Variants in TEX9 observed in about 807,000 individuals in gnomAD.
TEX9 encodes testis-expressed protein 9.
TEX9 carries 74 observed loss-of-function variants against 59.6 expected under a neutral mutation model. That is an observed-to-expected ratio of 1.24 (90% confidence interval 1.03 to 1.51). The LOEUF is 1.51. Among genes scored for constraint, TEX9 ranks in the 40% most tolerant of loss-of-function variants. TEX9 has a pLI of 0.00. For synonymous variants in TEX9, 186 were observed against 152.2 expected (o/e 1.22, Z -1.64); for missense variants, 522 against 447.8 (o/e 1.17, Z -1.49).
intron 10 of TEX9, among the ~76,000 whole-genome samples, chr15:56,427,242 T>C (rs2050335058): frequency 6.6e-6 from 1 of 151,836 alleles, no homozygotes; most frequent in African/African-American, 2.4e-5. Flanking sequence ...TTTCTACTTA[T>C]TATTGATTAC....
intron 10 of TEX9, among the ~76,000 whole-genome samples, chr15:56,415,547 G>A (rs374928236): frequency 4.6e-5 from 7 of 151,774 alleles, no homozygotes; most frequent in African/African-American, 1.7e-4. Context: ...TAGATGTGCG[G>A]CCTTATTTAT....
At chr15:56,285,386 C>A (rs1268309974) in intron 1 of TEX9, among the ~76,000 whole-genome samples, 1 of 152,144 alleles carries the variant, frequency 6.6e-6, no homozygotes, top group African/African-American at 2.4e-5. Context: ...TTCACTTAAT[C>A]ACATCTGAGT....
At chr15:56,431,197 T>G (rs1447362217) in intron 12 of TEX9, among the ~76,000 whole-genome samples, 2 of 152,172 alleles carry the variant, frequency 1.3e-5, no homozygotes, top group African/African-American at 2.4e-5. Flanking sequence ...AGACCAATCA[T>G]TTTAGATATA....
chr15:56,323,054 C>G (rs1286582260), intron 1 of TEX9: 1 of 172,296 alleles, frequency 5.8e-6, no homozygotes, highest in Non-Finnish European at 1.3e-5. Flanking sequence ...AGCACTGGGG[C>G]AAGTGAGAGC....
chr15:56,284,290 C>T (rs1314566667), intron 1 of TEX9, among the ~76,000 whole-genome samples: 2 of 152,202 alleles, frequency 1.3e-5, no homozygotes, highest in East Asian at 3.9e-4. Context: ...AGCCACAATG[C>T]CCAGCTTAAT....
the TEX9 span, among the ~76,000 whole-genome samples, chr15:56,453,822 A>T: frequency 5.4e-3 from 818 of 152,282 alleles, 6 homozygotes; most frequent in Non-Finnish European, 8.8e-3. Context: ...ATGATTTCTG[A>T]GCTCAAAGAA....
At chr15:56,439,524 G>A (rs1206029442) in intron 12 of TEX9, among the ~76,000 whole-genome samples, 3 of 151,610 alleles carry the variant, frequency 2.0e-5, no homozygotes, top group Non-Finnish European at 4.4e-5. Context: ...TGGATACATA[G>A]ACCAACAGAA....
At chr15:56,272,711 C>T (rs1340317112) in intron 1 of TEX9, among the ~76,000 whole-genome samples, 2 of 152,016 alleles carry the variant, frequency 1.3e-5, no homozygotes, top group Admixed American at 1.3e-4. Flanking sequence ...GTGGCTGCAC[C>T]ATTTTGTTTT....
At chr15:56,371,057 A>G (rs140034632) in intron 2 of TEX9, among the ~76,000 whole-genome samples, 3,450 of 152,130 alleles carry the variant, frequency 0.023, 121 homozygotes, top group African/African-American at 0.077. Context: ...GGGTTTCGCT[A>G]TGTTGGCCAG....
At chr15:56,407,569 C>A (rs1380856362) in intron 9 of TEX9, among the ~76,000 whole-genome samples, 1 of 152,000 alleles carries the variant, frequency 6.6e-6, no homozygotes, top group African/African-American at 2.4e-5. Context: ...TCTTTCATTT[C>A]TGATACTGAT....
chr15:56,308,230 T>C (rs2045527246), intron 1 of TEX9, among the ~76,000 whole-genome samples: 2 of 152,194 alleles, frequency 1.3e-5, no homozygotes, highest in South Asian at 4.1e-4. Context: ...TCCTTGCCAA[T>C]ACTTGTTATT....
intron 1 of TEX9, among the ~76,000 whole-genome samples, chr15:56,318,997 T>C (rs1366640051): frequency 6.6e-6 from 1 of 152,182 alleles, no homozygotes; most frequent in Non-Finnish European, 1.5e-5. Context: ...TTAAAGGTCT[T>C]CAATGTCTCT....
At chr15:56,324,213 A>C (rs1377222571) in intron 1 of TEX9, among the ~76,000 whole-genome samples, 1 of 151,584 alleles carries the variant, frequency 6.6e-6, no homozygotes, top group Non-Finnish European at 1.5e-5. Context: ...TTTTGTTGCC[A>C]TTCTGAATGC....
chr15:56,335,073 C>G (rs1174913078), intron 1 of TEX9, among the ~76,000 whole-genome samples: 1 of 152,074 alleles, frequency 6.6e-6, no homozygotes, highest in African/African-American at 2.4e-5. Context: ...TTAGTACAAC[C>G]ACTATGCAGA....
intron 1 of TEX9, among the ~76,000 whole-genome samples, chr15:56,345,461 T>C (rs1366855430): frequency 6.6e-6 from 1 of 152,108 alleles, no homozygotes; most frequent in African/African-American, 2.4e-5. Flanking sequence ...TTTCTGGCCT[T>C]TTCCCCCCTA....
intron 12 of TEX9, among the ~76,000 whole-genome samples, chr15:56,432,995 C>T (rs1017564981): frequency 4.6e-5 from 7 of 152,110 alleles, no homozygotes; most frequent in Non-Finnish European, 7.4e-5. Context: ...TTTAGTTTTA[C>T]GGATGAGACA....
At chr15:56,432,621 G>GTATC (rs2050625718) in intron 12 of TEX9, among the ~76,000 whole-genome samples, 1 of 152,182 alleles carries the variant, frequency 6.6e-6, no homozygotes, top group African/African-American at 2.4e-5. Context: ...ATTTGTATAA[G>GTATC]TATCTATGCA....
downstream of TEX9, chr15:56,446,741 A>G: frequency 1.3e-6 from 1 of 763,180 alleles, no homozygotes; most frequent in Non-Finnish European, 2.1e-6. Context: ...GAAATCTAGC[A>G]GTGTAAATTC....
intron 1 of TEX9, among the ~76,000 whole-genome samples, chr15:56,274,352 G>C (rs139414362): frequency 6.6e-6 from 1 of 152,108 alleles, no homozygotes; most frequent in East Asian, 1.9e-4. Flanking sequence ...CTGAAATGCT[G>C]TCTTTTTGTG....
Sources: gnomAD v4.1 joint callset for allele counts (sites outside exome capture counted in the v4.1 genomes callset) on GRCh38, gnomAD v4.1.1 for gene constraint, MANE v1.5 for transcripts, NCBI Gene and HGNC (gene_info 2026-07-23, HGNC 2026-07-21) for gene names.